STK4: variants seen among roughly 807,000 people sequenced by gnomAD.
The protein encoded by STK4 is serine/threonine kinase 4, also known as serine/threonine-protein kinase 4.
Under a neutral mutation model 64.9 loss-of-function variants are expected in STK4, and 30 were observed. That is an observed-to-expected ratio of 0.46 (90% CI 0.35 to 0.63). STK4 has a LOEUF of 0.63. Ranked by LOEUF, STK4 falls within the 20% of genes least tolerant of loss-of-function variation. The pLI is 0.01. For missense variants in STK4, 466 were observed against 598.5 expected, an observed-to-expected ratio of 0.78 and a Z score of 2.31; for synonymous variants, 177 against 199.0, an observed-to-expected ratio of 0.89 and a Z score of 0.93.
intron 2 of STK4, among the ~76,000 whole-genome samples, chr20:44,975,872 G>A (rs2050079159): frequency 6.6e-6 from 1 of 152,216 alleles, no homozygotes; most frequent in South Asian, 2.1e-4. Context: ...CATCGACAGT[G>A]AGTGTGGTAT....
chr20:45,032,372 G>C (rs930124313), intron 10 of STK4, among the ~76,000 whole-genome samples: 3 of 152,134 alleles, frequency 2.0e-5, no homozygotes, highest in Non-Finnish European at 2.9e-5. Flanking sequence ...TCATCACACA[G>C]GTAATAAGCA....
intron 10 of STK4, among the ~76,000 whole-genome samples, chr20:45,065,829 G>T (rs1277059675): frequency 1.3e-5 from 2 of 151,116 alleles, no homozygotes; most frequent in Non-Finnish European, 2.9e-5. Flanking sequence ...ACCAATTCCT[G>T]GATTCATTGG....
chr20:44,972,165 G>T lies in STK4; in HGVS notation c.116+7G>T. 6.2e-7 allele frequency: 1 copy of T among 1,612,354 alleles called. No homozygotes were observed. Reference sequence around the variant, plus strand: ...TAGAGAAACTTGGAGAAGGGTGAGTGTAAAGAAACTATAGGTAGGTCATTG... The same window carrying T: ...TAGAGAAACTTGGAGAAGGGTGAGTTTAAAGAAACTATAGGTAGGTCATTG... On this transcript the variant is annotated splice_region_variant and intron_variant, in intron 2 of 10. Transcript: ENST00000372806.
intron 2 of STK4, chr20:44,972,548 T>TA (rs1207549930): frequency 6.4e-6 from 1 of 157,064 alleles, no homozygotes; most frequent in Non-Finnish European, 1.4e-5. Flanking sequence ...TGAAATATAG[T>TA]AAATAAATTA....
intron 10 of STK4, among the ~76,000 whole-genome samples, chr20:45,048,762 G>A (rs760749425): frequency 4.6e-5 from 7 of 152,182 alleles, no homozygotes; most frequent in African/African-American, 7.2e-5. Flanking sequence ...AATTACAGGC[G>A]TGAGCCACCA....
intron 10 of STK4, chr20:45,053,228 C>T (rs1978299859): frequency 6.8e-7 from 1 of 1,462,860 alleles, no homozygotes; most frequent in African/African-American, 1.4e-5. Context: ...CCTGGTTCTG[C>T]TGGTGGATCG....
At chr20:44,983,161 A>G (rs944732581) in intron 4 of STK4, among the ~76,000 whole-genome samples, 1 of 152,212 alleles carries the variant, frequency 6.6e-6, no homozygotes. Context: ...GAGAAGCTGT[A>G]GGAGATGAGG....
At chr20:44,980,476 A>AT (rs2067417743) in intron 3 of STK4, among the ~76,000 whole-genome samples, 2 of 152,062 alleles carry the variant, frequency 1.3e-5, no homozygotes, top group South Asian at 4.1e-4. Flanking sequence ...AGGATATTTG[A>AT]TTTTTCTCTG....
intron 1 of STK4, among the ~76,000 whole-genome samples, chr20:44,970,092 A>G (rs2067217052): frequency 6.6e-6 from 1 of 152,180 alleles, no homozygotes. Context: ...AAAAGCACTT[A>G]GATTGTTTCA....
rs1010488033 is a variant in STK4 at position 45,067,872 on chromosome 20, G to C, written c.1306-7146G>C. Among the ~76,000 whole-genome samples, 5 of 152,178 alleles carry C rather than the reference G, an allele frequency of 3.3e-5. No individual in the cohort carries two copies. In the South Asian group the frequency reaches 8.3e-4, roughly 25 times the overall value. ...GGCCCAGAGGAAATAAACCAGGTGGGTATGATTTAGGGTTTCTCACATAGA... is the reference window on the plus strand; with the variant it reads ...GGCCCAGAGGAAATAAACCAGGTGGCTATGATTTAGGGTTTCTCACATAGA... On this transcript the variant is annotated intron_variant, in intron 10 of 10. Coordinates refer to ENST00000372806, the MANE Select transcript of STK4 (RefSeq NM_006282.5).
At chr20:44,998,738 C>CCAG in intron 7 of STK4, among the ~76,000 whole-genome samples, 1 of 152,190 alleles carries the variant, frequency 6.6e-6, no homozygotes, top group Non-Finnish European at 1.5e-5. Flanking sequence ...ATACCTGTGC[C>CCAG]TGGCATCATG....
intron 10 of STK4, among the ~76,000 whole-genome samples, chr20:45,036,077 T>C (rs931050603): frequency 2.6e-5 from 4 of 152,154 alleles, no homozygotes; most frequent in African/African-American, 9.7e-5. Context: ...ATTTTGAAAA[T>C]CACTGAGAGA....
chr20:45,054,472 A>G (rs978430857), intron 10 of STK4, among the ~76,000 whole-genome samples: 1 of 150,740 alleles, frequency 6.6e-6, no homozygotes, highest in Non-Finnish European at 1.5e-5. Flanking sequence ...CTGAGGCAGG[A>G]GGATCACTTG....
At chr20:45,001,115 C>T (rs2067830005) in intron 8 of STK4, 52 bp from the exon 9 acceptor site, 1 of 1,555,802 alleles carries the variant, frequency 6.4e-7, no homozygotes, top group Non-Finnish European at 8.8e-7. Context: ...ATTCAGAAAA[C>T]TCAAAGTCTT....
In STK4 at chr20:44,974,875, T is replaced by C. The variant is rs149095419; in HGVS notation, c.116+2717T>C. 2.0e-5 allele frequency: 3 copies of C among 152,350 alleles called. No individual in the cohort carries two copies. In the East Asian group the frequency reaches 5.8e-4, roughly 29 times the overall value. 9.4% of individuals were successfully genotyped at this position (152,350 alleles called of 1,614,324 possible). A position where few individuals can be genotyped will look rare whatever the true frequency, so the allele number is the denominator to read the frequency against. On this transcript the variant is annotated intron_variant, in intron 2 of 10. Coordinates refer to ENST00000372806, the MANE Select transcript of STK4 (RefSeq NM_006282.5). ...AAAAAAACTGTTGGATTCTGGAGGC[T>C]GCAATCATTCTGTGTTATGAGGATC... is the stretch of plus-strand genomic sequence containing the variant.
At chr20:45,049,136 T>C (rs1257210878) in intron 10 of STK4, among the ~76,000 whole-genome samples, 1 of 152,132 alleles carries the variant, frequency 6.6e-6, no homozygotes, top group Non-Finnish European at 1.5e-5. Context: ...GAGGGTACCC[T>C]TTCATCAAGC....
At chr20:45,044,017 G>A (rs535656135) in intron 10 of STK4, among the ~76,000 whole-genome samples, 1 of 152,060 alleles carries the variant, frequency 6.6e-6, no homozygotes, top group Non-Finnish European at 1.5e-5. Flanking sequence ...CTAAAACAAA[G>A]GAATTAAAAC....
intron 10 of STK4, among the ~76,000 whole-genome samples, chr20:45,052,146 G>T (rs536175215): frequency 6.6e-6 from 1 of 151,962 alleles, no homozygotes; most frequent in Non-Finnish European, 1.5e-5. Context: ...TTCTTTTTTG[G>T]TGTTGGTTTG....
At chr20:45,007,825 A>G (rs764803249) in intron 9 of STK4, 3 of 419,614 alleles carry the variant, frequency 7.1e-6, no homozygotes, top group South Asian at 3.5e-5. Flanking sequence ...ATGCATAAAT[A>G]TATTATACCC....
Sources: gnomAD v4.1 joint callset for allele counts (sites outside exome capture counted in the v4.1 genomes callset) on GRCh38, gnomAD v4.1.1 for gene constraint, MANE v1.5 for transcripts, NCBI Gene and HGNC (gene_info 2026-07-23, HGNC 2026-07-21) for gene names.